RALGAPA2: variants seen among roughly 807,000 people sequenced by gnomAD.
RALGAPA2 encodes ral GTPase-activating protein subunit alpha-2.
A neutral mutation model predicts 230.4 loss-of-function variants in RALGAPA2; 139 were observed. That is an observed-to-expected ratio of 0.60 (90% CI 0.53 to 0.69). The LOEUF is 0.69. Among genes scored for constraint, RALGAPA2 ranks in the 30% least tolerant of loss-of-function variants. RALGAPA2 has a pLI of 0.00. For missense variants in RALGAPA2, 2,163 were observed against 2,276.0 expected (o/e 0.95, Z 1.01); for synonymous variants, 847 against 837.8 (o/e 1.01, Z -0.19).
At chr20:20,518,413 A>T (rs1318556009) in intron 31 of RALGAPA2, among the ~76,000 whole-genome samples, 1 of 152,156 alleles carries the variant, frequency 6.6e-6, no homozygotes, top group African/African-American at 2.4e-5. Flanking sequence ...GTGAAAAAAA[A>T]TACCCTCAAA....
chr20:20,643,873 T>A (rs1267516034), intron 4 of RALGAPA2, among the ~76,000 whole-genome samples: 1 of 151,924 alleles, frequency 6.6e-6, no homozygotes, highest in African/African-American at 2.4e-5. Flanking sequence ...AAGGTAAAAA[T>A]AATGTAAAAC....
At chr20:20,512,228 C>CACACACACACAT (rs1176709831) in intron 32 of RALGAPA2, among the ~76,000 whole-genome samples, 1 of 147,986 alleles carries the variant, frequency 6.8e-6, no homozygotes, top group Non-Finnish European at 1.5e-5. Context: ...CCCCCCTACA[C>CACACACACACAT]ACACACACAC....
chr20:20,674,100 G>A (rs1452156503), intron 3 of RALGAPA2, among the ~76,000 whole-genome samples: 14 of 151,924 alleles, frequency 9.2e-5, no homozygotes, highest in Admixed American at 9.2e-4. Context: ...GGAGGCTGAG[G>A]CAGGAGGATC....
At position 20,605,428 on chromosome 20, in the gene RALGAPA2, C is replaced by G. The variant is rs951300597; in HGVS notation, c.1801-16G>C. 6.4e-7 allele frequency: 1 copy of G among 1,554,710 alleles called. No individual in the cohort carries two copies. Among genetic ancestry groups the G allele is most frequent in the African/African-American group, 1.4e-5 (1 of 73,624 alleles). Reference sequence around the variant, plus strand: ...CCATGAGCGTCTAAAACCAACCAACCAACAAGAGAATTCACACATCTTCAT... The same window carrying G: ...CCATGAGCGTCTAAAACCAACCAACGAACAAGAGAATTCACACATCTTCAT... On this transcript the variant is annotated splice_polypyrimidine_tract_variant and intron_variant, in intron 14 of 39. Coordinates refer to ENST00000202677, the MANE Select transcript of RALGAPA2 (RefSeq NM_020343.4).
intron 37 of RALGAPA2, among the ~76,000 whole-genome samples, chr20:20,412,429 G>T (rs1056341912): frequency 1.3e-5 from 2 of 152,250 alleles, no homozygotes; most frequent in Non-Finnish European, 1.5e-5. Flanking sequence ...CATTAGGGTC[G>T]ATTTAAACAA....
intron 13 of RALGAPA2, 129 bp from the exon 14 acceptor site, chr20:20,611,555 T>A: frequency 7.3e-7 from 1 of 1,376,478 alleles, no homozygotes; most frequent in Non-Finnish European, 9.5e-7. Context: ...ACTATTAAAG[T>A]CCAGATGCCA....
At chr20:20,567,857 T>TAATAA (rs10525989) in intron 23 of RALGAPA2, among the ~76,000 whole-genome samples, 3,311 of 125,430 alleles carry the variant, frequency 0.026, 63 homozygotes, top group Middle Eastern at 0.044. Flanking sequence ...AAAAAAGCAA[T>TAATAA]AATAAAATAA....
chr20:20,671,845 T>A (rs996317878), intron 3 of RALGAPA2, among the ~76,000 whole-genome samples: 8 of 152,084 alleles, frequency 5.3e-5, no homozygotes, highest in African/African-American at 1.9e-4. Context: ...AATGGATCCA[T>A]GACAACAAAT....
At chr20:20,518,254 AC>A (rs2062934031) in intron 31 of RALGAPA2, among the ~76,000 whole-genome samples, 1 of 152,104 alleles carries the variant, frequency 6.6e-6, no homozygotes, top group Non-Finnish European at 1.5e-5. Context: ...ATAAGGTTTC[AC>A]CATGTTAGCC....
At chr20:20,460,109 G>A (rs2061266570) in intron 37 of RALGAPA2, among the ~76,000 whole-genome samples, 1 of 152,170 alleles carries the variant, frequency 6.6e-6, no homozygotes, top group Non-Finnish European at 1.5e-5. Flanking sequence ...GATTTACCAT[G>A]GCACATGTGG....
chr20:20,638,383 T>A (rs1044080683), intron 7 of RALGAPA2, among the ~76,000 whole-genome samples: 1 of 152,200 alleles, frequency 6.6e-6, no homozygotes, highest in African/African-American at 2.4e-5. Context: ...ATGCTTTGGC[T>A]ACCGCAGGGG....
intron 1 of RALGAPA2, among the ~76,000 whole-genome samples, chr20:20,705,936 G>A (rs1270293876): frequency 6.6e-6 from 1 of 152,096 alleles, no homozygotes. Context: ...CAAAGTGTTG[G>A]GATTATAGGC....
chr20:20,565,471 T>C (rs2064385515), intron 23 of RALGAPA2, among the ~76,000 whole-genome samples: 1 of 152,230 alleles, frequency 6.6e-6, no homozygotes, highest in African/African-American at 2.4e-5. Context: ...TGCTGAGTCT[T>C]AATGCTCACT....
chr20:20,695,614 G>T (rs1402753127), intron 1 of RALGAPA2, among the ~76,000 whole-genome samples: 1 of 152,156 alleles, frequency 6.6e-6, no homozygotes, highest in Non-Finnish European at 1.5e-5. Flanking sequence ...GCTCAGAAAT[G>T]ATGTCTCTGG....
intron 1 of RALGAPA2, among the ~76,000 whole-genome samples, chr20:20,684,611 G>C (rs1048001125): frequency 2.0e-5 from 3 of 152,100 alleles, no homozygotes; most frequent in Non-Finnish European, 4.4e-5. Context: ...AGTGAACCCA[G>C]AAGCATAGCA....
intron 36 of RALGAPA2, among the ~76,000 whole-genome samples, chr20:20,473,600 G>A (rs1383139118): frequency 1.3e-5 from 2 of 152,096 alleles, no homozygotes; most frequent in African/African-American, 2.4e-5. Context: ...TCCCACCTCA[G>A]TCTCCTGAGT....
intron 38 of RALGAPA2, among the ~76,000 whole-genome samples, chr20:20,405,052 T>C (rs1205058149): frequency 1.3e-5 from 2 of 152,204 alleles, no homozygotes; most frequent in African/African-American, 4.8e-5. Flanking sequence ...TTTTTGTCCA[T>C]GGGCCTTCCA....
At chr20:20,689,561 GA>G in intron 1 of RALGAPA2, among the ~76,000 whole-genome samples, 1 of 152,340 alleles carries the variant, frequency 6.6e-6, no homozygotes, top group East Asian at 1.9e-4. Context: ...AGAATCACTT[GA>G]ACCCGGGAGG....
rs2068487421 is a variant in RALGAPA2 at position 20,680,675 on chromosome 20, C to A, written c.217+16G>T. 1 of 1,512,230 alleles carries A rather than the reference C, an allele frequency of 6.6e-7. No individual in the cohort carries two copies. Among genetic ancestry groups the A allele is most frequent in the African/African-American group, 1.4e-5 (1 of 70,372 alleles). 93.7% of individuals were successfully genotyped at this position (1,512,230 alleles called of 1,614,324 possible). Reference sequence around the variant, plus strand: ...TGCCCGAATGTTTTTTAAAAAAAAACTACTGAAATGCTTACCTTTTAATTT... The same window carrying A: ...TGCCCGAATGTTTTTTAAAAAAAAAATACTGAAATGCTTACCTTTTAATTT... On this transcript the variant is annotated intron_variant, in intron 2 of 39. Transcript: ENST00000202677.
Sources: allele counts gnomAD v4.1 joint callset (sites outside exome capture counted in the v4.1 genomes callset), GRCh38; gene constraint gnomAD v4.1.1; transcripts MANE v1.5; gene names NCBI Gene and HGNC (gene_info 2026-07-23, HGNC 2026-07-21).